Variants in CYP4X1 observed in about 807,000 individuals in gnomAD.
The protein encoded by CYP4X1 is cytochrome P450 family 4 subfamily X member 1, also known as cytochrome P450 4X1.
In CYP4X1, 44 loss-of-function variants were observed where a neutral mutation model predicts 57.9. The ratio of observed to expected loss-of-function variants is 0.76; its 90% CI spans 0.60 to 0.98. CYP4X1 has a LOEUF of 0.98. Among genes scored for constraint, CYP4X1 ranks in the 50% least tolerant of loss-of-function variants. The pLI is 0.00. For synonymous variants in CYP4X1, 227 were observed against 228.6 expected (o/e 0.99, Z 0.06); for missense variants, 532 against 623.9 (o/e 0.85, Z 1.57).
intron 8 of CYP4X1, 106 bp from the exon 9 acceptor site, chr1:47,046,361 A>C: frequency 6.7e-7 from 1 of 1,495,758 alleles, no homozygotes; most frequent in Non-Finnish European, 9.1e-7. Context: ...AACCAGTGGC[A>C]AAATGGCTTT....
At chr1:46,979,620 G>C in the CYP4X1 span, among the ~76,000 whole-genome samples, 5 of 152,072 alleles carry the variant, frequency 3.3e-5, no homozygotes, top group African/African-American at 4.8e-5. Context: ...CTCCCTAACT[G>C]ATTTTATGAG....
intron 1 of CYP4X1, among the ~76,000 whole-genome samples, chr1:47,028,805 G>A (rs545112525): frequency 6.6e-6 from 1 of 152,268 alleles, no homozygotes; most frequent in East Asian, 1.9e-4. Context: ...CCTGGTACGT[G>A]TGATAGACAA....
At chr1:46,966,125 C>T in the CYP4X1 span, among the ~76,000 whole-genome samples, 1 of 152,250 alleles carries the variant, frequency 6.6e-6, no homozygotes, top group African/African-American at 2.4e-5. Flanking sequence ...AAAAACTCAA[C>T]ACTTTTCAGG....
Position 47,040,766 on chromosome 1 carries a change from A to G in CYP4X1, c.1073+1234A>G, listed in dbSNP as rs138076197. ...GGAATGACTAAATCTATCAATGGAC[A>G]TGTTCATTAACTCATACTTATCATT... On this transcript the variant is annotated intron_variant, in intron 8 of 11. Coordinates refer to ENST00000371901, the MANE Select transcript of CYP4X1 (RefSeq NM_178033.2). 4.0e-3 allele frequency among the ~76,000 whole-genome samples: 609 copies of G among 152,292 alleles called. 1 individual carries two copies. The highest frequency in any genetic ancestry group is 0.014 in the African/African-American group (578 of 41,570).
chr1:47,038,737 G>A lies in CYP4X1; in HGVS notation c.853G>A (p.Asp285Asn), dbSNP rs779411320. ...QDNTPKRKYQ[D>N]FLDIVLSAKD... is the part of the protein sequence containing the mutation. Reference sequence around the variant, plus strand: ...TAACACTCCGAAGAGGAAGTACCAGGATTTTCTGGATATTGTCCTTTCTGC... The same window carrying A: ...TAACACTCCGAAGAGGAAGTACCAGAATTTTCTGGATATTGTCCTTTCTGC... The change falls in exon 7 of 12, where the codon GAT becomes AAT. Residue 285 changes from aspartate (D) to asparagine (N), a missense_variant. Physicochemically the swap from Asp to Asn is conservative, Grantham distance 23. Transcript: ENST00000371901. 2 of 1,610,376 alleles carry A rather than the reference G, an allele frequency of 1.2e-6. No homozygotes were observed. The highest frequency in any genetic ancestry group is 1.3e-5 in the African/African-American group (1 of 74,806).
At chr1:47,053,256 T>C (rs1177392892), downstream of CYP4X1, among the ~76,000 whole-genome samples, 8 of 152,198 alleles carry the variant, frequency 5.3e-5, no homozygotes. Context: ...CTCATCCTTT[T>C]TTATGGCTGC....
At chr1:47,026,959 C>G (rs1644073601) in intron 1 of CYP4X1, among the ~76,000 whole-genome samples, 1 of 152,112 alleles carries the variant, frequency 6.6e-6, no homozygotes, top group African/African-American at 2.4e-5. Context: ...TCGTGATCCA[C>G]CCGCCTCACC....
At chr1:47,002,024 G>A in the CYP4X1 span, among the ~76,000 whole-genome samples, 4 of 152,212 alleles carry the variant, frequency 2.6e-5, no homozygotes, top group Admixed American at 2.0e-4. Flanking sequence ...GGCAGCGTTC[G>A]TGATTTATCC....
the CYP4X1 span, among the ~76,000 whole-genome samples, chr1:47,013,064 G>A: frequency 1.3e-5 from 2 of 151,980 alleles, no homozygotes; most frequent in Non-Finnish European, 2.9e-5. Context: ...CCGTTTTCTC[G>A]ATGGTAGGCT....
chr1:47,002,548 A>G, the CYP4X1 span, among the ~76,000 whole-genome samples: 20 of 152,286 alleles, frequency 1.3e-4, no homozygotes, highest in African/African-American at 4.8e-4. Flanking sequence ...GAATTTACAG[A>G]ATTACTTATT....
the CYP4X1 span, among the ~76,000 whole-genome samples, chr1:47,005,986 C>G: frequency 6.6e-6 from 1 of 152,122 alleles, no homozygotes; most frequent in Non-Finnish European, 1.5e-5. Flanking sequence ...TAGGTGAGCA[C>G]CTGATGTTCA....
At chr1:46,991,780 C>T in the CYP4X1 span, among the ~76,000 whole-genome samples, 8 of 152,218 alleles carry the variant, frequency 5.3e-5, no homozygotes, top group Non-Finnish European at 1.0e-4. Context: ...GCCGGCGACT[C>T]GGAGGGCACA....
At chr1:47,040,931 C>G (rs1352607499) in intron 8 of CYP4X1, among the ~76,000 whole-genome samples, 1 of 152,118 alleles carries the variant, frequency 6.6e-6, no homozygotes, top group Non-Finnish European at 1.5e-5. Flanking sequence ...TATCCTTTGA[C>G]TAACATCCCT....
chr1:46,966,228 C>G, the CYP4X1 span, among the ~76,000 whole-genome samples: 1 of 152,316 alleles, frequency 6.6e-6, no homozygotes, highest in Non-Finnish European at 1.5e-5. Context: ...CACAGAATGA[C>G]AGTGCTTGGC....
At chr1:47,034,107 C>A (rs2148508628) in intron 4 of CYP4X1, among the ~76,000 whole-genome samples, 1 of 152,258 alleles carries the variant, frequency 6.6e-6, no homozygotes, top group South Asian at 2.1e-4. Flanking sequence ...AGAGGAAACT[C>A]AAATTTGCCA....
At chr1:47,049,035 G>T (rs1298288874) in intron 10 of CYP4X1, among the ~76,000 whole-genome samples, 2 of 152,220 alleles carry the variant, frequency 1.3e-5, no homozygotes, top group African/African-American at 2.4e-5. Context: ...CTGTGAAGCT[G>T]CAAGGTCTGC....
At chr1:47,040,980 T>C (rs1174908972) in intron 8 of CYP4X1, among the ~76,000 whole-genome samples, 1 of 152,116 alleles carries the variant, frequency 6.6e-6, no homozygotes, top group Non-Finnish European at 1.5e-5. Flanking sequence ...GTAACCACTG[T>C]TCTACTCTCT....
chr1:47,029,095 A>G (rs1644099931), intron 1 of CYP4X1, among the ~76,000 whole-genome samples: 2 of 152,230 alleles, frequency 1.3e-5, no homozygotes, highest in African/African-American at 4.8e-5. Context: ...AGAGCAAACA[A>G]TCCTGCAGCA....
At chr1:46,962,851 G>T in the CYP4X1 span, among the ~76,000 whole-genome samples, 1 of 152,160 alleles carries the variant, frequency 6.6e-6, no homozygotes, top group Non-Finnish European at 1.5e-5. Context: ...TGACAGTGGG[G>T]TGTTAAAGTC....
Sources: gnomAD v4.1 joint callset for allele counts (sites outside exome capture counted in the v4.1 genomes callset) on GRCh38, gnomAD v4.1.1 for gene constraint, MANE v1.5 for transcripts, NCBI Gene and HGNC (gene_info 2026-07-23, HGNC 2026-07-21) for gene names.